Variants in TRIP12 observed in about 807,000 individuals in gnomAD.
TRIP12 encodes E3 ubiquitin-protein ligase TRIP12.
TRIP12 carries 25 observed loss-of-function variants against 244.2 expected under a neutral mutation model. The observed-to-expected ratio is 0.10, with a 90% CI of 0.07 to 0.14. The LOEUF (loss-of-function observed/expected upper bound fraction) is 0.14. Ranked by LOEUF, TRIP12 falls within the 10% of genes least tolerant of loss-of-function variation. The pLI is 1.00. For missense variants in TRIP12, 1,677 were observed against 2,486.4 expected (o/e 0.67, Z 6.92); for synonymous variants, 905 against 873.1 (o/e 1.04, Z -0.64).
In TRIP12 at chr2:229,815,519, TA is replaced by T. The variant is rs112411083; in HGVS notation, c.1600-212del. On this transcript the variant is annotated intron_variant, in intron 9 of 41. Coordinates refer to ENST00000675903, the MANE Select transcript of TRIP12 (RefSeq NM_001348323.3). ...TCACACACGGTGACTCCGACTTGAG[TA>T]TGCTGCTAGATAACCATCACCTCGT... Among the ~76,000 whole-genome samples, 8,716 of 152,176 alleles carry T rather than the reference TA, an allele frequency of 0.057. 842 individuals are homozygous for T. The highest frequency in any genetic ancestry group is 0.2 in the African/African-American group (8,212 of 41,468).
chr2:229,778,011 G>T lies in TRIP12; in HGVS notation c.5364+422C>A, dbSNP rs2036842584. Among the ~76,000 whole-genome samples, 1 of 152,182 alleles carries T rather than the reference G, an allele frequency of 6.6e-6. No homozygotes were observed. The highest frequency in any genetic ancestry group is 2.4e-5 in the African/African-American group (1 of 41,446). On this transcript the variant is annotated intron_variant, in intron 36 of 41. Coordinates refer to ENST00000675903, the MANE Select transcript of TRIP12 (RefSeq NM_001348323.3). The surrounding 1 kb of genome is among the most constrained non-coding windows in gnomAD (Gnocchi z 4.1). ...AAACATTCCAACCTCTATGAATACT[G>T]ATCACTCGGGTTATTTTCACAACAG...
At chr2:229,867,097 G>GTTT (rs11432903) in intron 2 of TRIP12, among the ~76,000 whole-genome samples, 7 of 134,218 alleles carry the variant, frequency 5.2e-5, no homozygotes, top group Admixed American at 7.6e-5. Flanking sequence ...CACATAGAGG[G>GTTT]TTTTTTTTTT....
chr2:229,840,741 G>A (rs1411934284), intron 5 of TRIP12, 81 bp downstream of exon 5: 1 of 955,744 alleles, frequency 1.0e-6, no homozygotes, highest in Non-Finnish European at 1.5e-6. Flanking sequence ...AACAACCTAT[G>A]GAGTTAAGTA....
intron 19 of TRIP12, 135 bp downstream of exon 19, chr2:229,803,864 A>G (rs1440896603): frequency 1.1e-6 from 1 of 874,428 alleles, no homozygotes; most frequent in African/African-American, 1.7e-5. Flanking sequence ...TGTGAATATA[A>G]ATAGACAAAA....
intron 16 of TRIP12, 132 bp downstream of exon 16, chr2:229,808,120 C>T: frequency 1.3e-6 from 1 of 742,768 alleles, no homozygotes; most frequent in Non-Finnish European, 2.2e-6. Flanking sequence ...GCGCCCGCCA[C>T]TACGCCCAGG....
At position 229,808,344 on chromosome 2, in the gene TRIP12, G is replaced by C. The variant is rs1448075595; in HGVS notation, c.2247C>G (p.Leu749=). Residue 749 remains leucine, a synonymous_variant, in exon 16 of 42, where the codon CTC becomes CTG. Transcript: ENST00000675903. ...KQNIAETLHF[L]LCGASNGSCQ... Reference sequence around the variant, plus strand: ...AACTTCCATTGGAGGCACCACACAGGAGAAAGTGAAGCGTTTCTGCAATGT... The same window carrying C: ...AACTTCCATTGGAGGCACCACACAGCAGAAAGTGAAGCGTTTCTGCAATGT... 1 of 1,613,118 alleles carries C rather than the reference G, an allele frequency of 6.2e-7. No homozygotes were observed. The highest frequency in any genetic ancestry group is 8.5e-7 in the Non-Finnish European group (1 of 1,179,960).
intron 2 of TRIP12, among the ~76,000 whole-genome samples, chr2:229,877,955 A>T (rs552551761): frequency 6.6e-6 from 1 of 152,336 alleles, no homozygotes; most frequent in East Asian, 1.9e-4. Flanking sequence ...GCTGCTCCAA[A>T]GAATAACCTG....
chr2:229,767,452 G>C lies in TRIP12; in HGVS notation c.*102C>G. 8 of 1,373,482 alleles carry C rather than the reference G, an allele frequency of 5.8e-6. No homozygotes were observed. The highest frequency in any genetic ancestry group is 6.8e-6 in the Non-Finnish European group (7 of 1,035,264). The allele number at this position is 1,373,482 out of a possible 1,614,324, so 85.1% of individuals were successfully genotyped here. On this transcript the variant is annotated 3_prime_UTR_variant, in exon 42 of 42. Transcript: ENST00000675903. ...CTGCAAGCCGTTTTTCCTACAACAA[G>C]AAGGCGTAACATGTTTCCTTGACTC...
chr2:229,807,919 T>A, intron 16 of TRIP12, 55 bp from the exon 17 acceptor site: 1 of 1,516,642 alleles, frequency 6.6e-7, no homozygotes, highest in Non-Finnish European at 8.9e-7. Flanking sequence ...TAGTAAACGT[T>A]AGGTCTCTAA....
chr2:229,795,477 G>A (rs1575109195), intron 25 of TRIP12, 147 bp from the exon 26 acceptor site: 2 of 895,750 alleles, frequency 2.2e-6, no homozygotes. Context: ...TTTGAACGAT[G>A]TTACCACGTC....
At chr2:229,804,292 A>G in intron 18 of TRIP12, 65 bp from the exon 19 acceptor site, 1 of 1,344,760 alleles carries the variant, frequency 7.4e-7, no homozygotes, top group Non-Finnish European at 1.0e-6. Flanking sequence ...CACAATAAAC[A>G]ATATAAAATA....
chr2:229,910,096 AATTT>A (rs1247727983), intron 1 of TRIP12, among the ~76,000 whole-genome samples: 1 of 152,196 alleles, frequency 6.6e-6, no homozygotes, highest in African/African-American at 2.4e-5. Context: ...ACAATTCCAG[AATTT>A]TTTTAGAACT....
intron 30 of TRIP12, 103 bp from the exon 31 acceptor site, chr2:229,789,865 A>T (rs2040993945): frequency 7.8e-7 from 1 of 1,280,152 alleles, no homozygotes; most frequent in African/African-American, 1.5e-5. Context: ...AAGTTGTTAT[A>T]GTCAACGCTT....
At chr2:229,843,093 TCTCTCTCCCTCC>T (rs2056856466) in intron 4 of TRIP12, among the ~76,000 whole-genome samples, 1 of 119,586 alleles carries the variant, frequency 8.4e-6, no homozygotes, top group South Asian at 3.3e-4. Flanking sequence ...TCCCTCCTTC[TCTCTCTCCCTCC>T]CTCTCTCCCC....
chr2:229,877,153 T>C (rs534534875), intron 2 of TRIP12, among the ~76,000 whole-genome samples: 3 of 151,738 alleles, frequency 2.0e-5, no homozygotes, highest in Non-Finnish European at 2.9e-5. Flanking sequence ...CTACTTGCGA[T>C]GCAGTGAGCT....
intron 33 of TRIP12, among the ~76,000 whole-genome samples, chr2:229,786,998 T>A (rs1322600256): frequency 6.6e-6 from 1 of 152,182 alleles, no homozygotes; most frequent in African/African-American, 2.4e-5. Context: ...GCCACAAATG[T>A]GGAGCCAAGA....
chr2:229,769,202 C>A, intron 40 of TRIP12, 29 bp downstream of exon 40: 14 of 1,596,570 alleles, frequency 8.8e-6, no homozygotes, highest in Non-Finnish European at 1.2e-5. Context: ...TCAGAATCAA[C>A]AGAAAAACTG....
chr2:229,814,796 G>A (rs1213094794), intron 11 of TRIP12, among the ~76,000 whole-genome samples: 1 of 151,824 alleles, frequency 6.6e-6, no homozygotes, highest in Non-Finnish European at 1.5e-5. Flanking sequence ...ACATAATGAG[G>A]GTATAAATAG....
At chr2:229,777,040 CATA>C in intron 37 of TRIP12, among the ~76,000 whole-genome samples, 1 of 152,216 alleles carries the variant, frequency 6.6e-6, no homozygotes, top group East Asian at 1.9e-4. Flanking sequence ...TGCCCAGATA[CATA>C]ATATGTCCAT....
Sources: gnomAD v4.1 joint callset for allele counts (sites outside exome capture counted in the v4.1 genomes callset) on GRCh38, gnomAD v4.1.1 for gene constraint, Gnocchi (gnomAD v3.1) non-coding constraint, MANE v1.5 for transcripts, NCBI Gene and HGNC (gene_info 2026-07-23, HGNC 2026-07-21) for gene names.